TOMM20L: variants seen among roughly 807,000 people sequenced by gnomAD.
TOMM20L encodes the protein translocase of outer mitochondrial membrane 20 like, also known as TOMM20-like protein 1.
TOMM20L carries 19 observed loss-of-function variants against 20.4 expected under a neutral mutation model. The ratio of observed to expected loss-of-function variants is 0.93; its 90% CI spans 0.65 to 1.36. The LOEUF is 1.36. Among genes scored for constraint, TOMM20L ranks in the 40% most tolerant of loss-of-function variants. TOMM20L has a pLI of 0.00. For missense variants in TOMM20L, 218 were observed against 203.7 expected (o/e 1.07, Z -0.43); for synonymous variants, 75 against 79.6 (o/e 0.94, Z 0.30).
intron 1 of TOMM20L, 23 bp downstream of exon 1, chr14:58,396,116 C>T: frequency 1.5e-6 from 2 of 1,298,624 alleles, no homozygotes; most frequent in Non-Finnish European, 9.8e-7. Context: ...GAGGCGGAGG[C>T]GCGGCCGGGC....
At chr14:58,405,627 C>T (rs2036048032) in intron 3 of TOMM20L, among the ~76,000 whole-genome samples, 1 of 152,162 alleles carries the variant, frequency 6.6e-6, no homozygotes. Context: ...GTCTCAGCCT[C>T]CCAAGTAGCT....
At chr14:58,407,941 A>G (rs2036087400) in intron 4 of TOMM20L, among the ~76,000 whole-genome samples, 1 of 152,214 alleles carries the variant, frequency 6.6e-6, no homozygotes, top group African/African-American at 2.4e-5. Context: ...AGGATTCATT[A>G]GGCATAAGAC....
chr14:58,411,034 ACTAT>A, downstream of TOMM20L: 2 of 784,074 alleles, frequency 2.6e-6, no homozygotes, highest in Non-Finnish European at 4.3e-6. Context: ...GACAAAATAT[ACTAT>A]AACACTTGAA....
At chr14:58,397,407 A>C (rs2035941726) in intron 2 of TOMM20L, among the ~76,000 whole-genome samples, 1 of 152,228 alleles carries the variant, frequency 6.6e-6, no homozygotes, top group Non-Finnish European at 1.5e-5. Flanking sequence ...AAGGGAGAGG[A>C]AATAGATTCT....
chr14:58,407,568 A>G, intron 4 of TOMM20L, 100 bp downstream of exon 4: 1 of 1,299,708 alleles, frequency 7.7e-7, no homozygotes, highest in African/African-American at 1.5e-5. Context: ...GAATTGCCCA[A>G]AATCTTAAAT....
chr14:58,413,759 G>A, the TOMM20L span, among the ~76,000 whole-genome samples: 1 of 152,096 alleles, frequency 6.6e-6, no homozygotes, highest in Admixed American at 6.5e-5. Context: ...TGTAATCCCA[G>A]CACTTTGGGA....
chr14:58,400,176 T>C (rs1594996085), intron 2 of TOMM20L, among the ~76,000 whole-genome samples: 1 of 151,538 alleles, frequency 6.6e-6, no homozygotes, highest in Admixed American at 6.6e-5. Flanking sequence ...GAGGCTGAGG[T>C]GGTTGGATCA....
chr14:58,408,214 C>T (rs372609241), intron 4 of TOMM20L, among the ~76,000 whole-genome samples: 5 of 151,928 alleles, frequency 3.3e-5, no homozygotes, highest in South Asian at 2.1e-4. Flanking sequence ...GTCAGAAGTT[C>T]GAGACCAGCC....
At chr14:58,411,423 G>C (rs1488607104), downstream of TOMM20L, among the ~76,000 whole-genome samples, 1 of 151,612 alleles carries the variant, frequency 6.6e-6, no homozygotes. Context: ...ACTCCAGCCT[G>C]GCCGACAAAG....
chr14:58,399,371 G>A (rs566666194), intron 2 of TOMM20L, among the ~76,000 whole-genome samples: 26 of 152,256 alleles, frequency 1.7e-4, no homozygotes, highest in Non-Finnish European at 3.2e-4. Context: ...TTCTGATCCA[G>A]TAGCCTGGGG....
intron 2 of TOMM20L, chr14:58,398,683 A>G (rs1216634247): frequency 6.6e-6 from 1 of 151,212 alleles, no homozygotes; most frequent in African/African-American, 2.4e-5. Context: ...TAAATTAATC[A>G]TATTTTAATT....
At chr14:58,410,973 T>C, downstream of TOMM20L, 1 of 1,481,688 alleles carries the variant, frequency 6.7e-7, no homozygotes, top group Non-Finnish European at 9.3e-7. Flanking sequence ...TAGTATTTGG[T>C]TTTTAAAACA....
chr14:58,402,870 C>T (rs1369448306), intron 3 of TOMM20L, 109 bp downstream of exon 3: 3 of 783,466 alleles, frequency 3.8e-6, no homozygotes, highest in Non-Finnish European at 6.4e-6. Flanking sequence ...AGCCAACTCC[C>T]CTCATTAAAG....
Position 58,407,386 on chromosome 14 carries a change from G to A in TOMM20L, c.323G>A (p.Arg108Gln), listed in dbSNP as rs75281268. Residue 108 changes from arginine to glutamine, a missense_variant, in exon 4 of 5, where the codon CGG becomes CAG. Arg to Gln is a conservative substitution (Grantham distance 43). Transcript: ENST00000360945. ...GNALLVCEQP[R>Q]ELLKVFKHTL... ...GCCCTTTTAGTGTGCGAGCAACCAC[G>A]GGAACTTCTGAAAGTTTTCAAACAC... The A allele has an allele frequency of 2.6e-4, 415 of 1,613,650 alleles. 2 individuals carry two copies. The African/African-American group carries it at 4.8e-3, about 19-fold the overall frequency.
chr14:58,400,650 T>TCA (rs1197485096), intron 2 of TOMM20L, among the ~76,000 whole-genome samples: 5 of 151,900 alleles, frequency 3.3e-5, no homozygotes, highest in African/African-American at 1.2e-4. Context: ...GAGGCCGAGG[T>TCA]GGGTGGATCA....
chr14:58,403,666 G>A (rs1251250066), intron 3 of TOMM20L, among the ~76,000 whole-genome samples: 2 of 151,878 alleles, frequency 1.3e-5, no homozygotes, highest in Non-Finnish European at 2.9e-5. Context: ...GTGAAACCCT[G>A]TCTCTACTAA....
intron 3 of TOMM20L, among the ~76,000 whole-genome samples, chr14:58,404,090 C>CATATATGTGTGTGTAT (rs1470382627): frequency 5.9e-5 from 1 of 16,836 alleles, no homozygotes; most frequent in Non-Finnish European, 1.5e-4. Context: ...TGTATATATA[C>CATATATGTGTGTGTAT]ATATATATGT....
chr14:58,412,302 C>T (rs1309578331), downstream of TOMM20L, among the ~76,000 whole-genome samples: 3 of 152,178 alleles, frequency 2.0e-5, no homozygotes, highest in African/African-American at 7.2e-5. Flanking sequence ...CCACCATGCC[C>T]AGCTAATTTT....
chr14:58,396,374 G>C (rs759435449), intron 2 of TOMM20L, 33 bp downstream of exon 2: 1 of 1,612,134 alleles, frequency 6.2e-7, no homozygotes, highest in Non-Finnish European at 8.5e-7. Context: ...AGGTAGCTCA[G>C]TAGACGCAGG....
Sources: gnomAD v4.1 joint callset for allele counts (sites outside exome capture counted in the v4.1 genomes callset) on GRCh38, gnomAD v4.1.1 for gene constraint, MANE v1.5 for transcripts, NCBI Gene and HGNC (gene_info 2026-07-23, HGNC 2026-07-21) for gene names.